Variants in SGIP1 observed in about 807,000 individuals in gnomAD.
The protein encoded by SGIP1 is SH3GL interacting endocytic adaptor 1.
A neutral mutation model predicts 107.5 loss-of-function variants in SGIP1; 38 were observed. The observed-to-expected ratio is 0.35, with a 90% CI of 0.27 to 0.46. The LOEUF is 0.46. Among genes scored for constraint, SGIP1 ranks in the 20% least tolerant of loss-of-function variants. The pLI is 1.00. For missense variants in SGIP1, 929 were observed against 1,019.5 expected, an observed-to-expected ratio of 0.91 and a Z score of 1.21; for synonymous variants, 365 against 366.1, an observed-to-expected ratio of 1.00 and a Z score of 0.03.
At chr1:66,563,806 T>A (rs2059287365) in intron 1 of SGIP1, among the ~76,000 whole-genome samples, 1 of 151,920 alleles carries the variant, frequency 6.6e-6, no homozygotes, top group Admixed American at 6.6e-5. Context: ...AGAGAAAGAA[T>A]ATCATTTGAA....
chr1:66,601,597 T>C lies in SGIP1; in HGVS notation c.11-24250T>C, dbSNP rs1355392791. Reference sequence around the variant, plus strand: ...TAACAATCTATAATGAGAAGAAAGCTAAATGATCTAGTCCAGTGTTTTCAA... The same window carrying C: ...TAACAATCTATAATGAGAAGAAAGCCAAATGATCTAGTCCAGTGTTTTCAA... On this transcript the variant is annotated intron_variant, in intron 1 of 24. Transcript: ENST00000371037. Among the ~76,000 whole-genome samples, 8 of 151,998 alleles carry C rather than the reference T, an allele frequency of 5.3e-5. No homozygotes were observed. The East Asian group carries it at 1.5e-3, about 29-fold the overall frequency.
intron 1 of SGIP1, among the ~76,000 whole-genome samples, chr1:66,571,077 C>G (rs1386342618): frequency 2.6e-5 from 4 of 151,958 alleles, no homozygotes; most frequent in Non-Finnish European, 5.9e-5. Context: ...CTCAGCACCA[C>G]CTGGGAAGTA....
chr1:66,546,038 A>G (rs761204981), intron 1 of SGIP1, among the ~76,000 whole-genome samples: 13 of 152,216 alleles, frequency 8.5e-5, no homozygotes, highest in Admixed American at 2.6e-4. Flanking sequence ...TTTTGGTGAA[A>G]GAGTCAAGCC....
In SGIP1 at chr1:66,675,499, TTCTG is replaced by T. The variant is rs150120901; in HGVS notation, c.647-1501_647-1498del. On this transcript the variant is annotated intron_variant, in intron 12 of 24. Transcript: ENST00000371037. ...TCTTTAGATTGATTTTTCTTTTTCT[TTCTG>T]TCTTTCTTTTTCGTTGTTTTTCTTT... Among the ~76,000 whole-genome samples, 1,373 of 151,706 alleles carry T rather than the reference TTCTG, an allele frequency of 9.1e-3. 18 individuals are homozygous for T. The highest frequency in any genetic ancestry group is 0.03 in the African/African-American group (1,219 of 41,222).
chr1:66,697,455 C>A (rs1380453644), intron 18 of SGIP1, among the ~76,000 whole-genome samples: 1 of 152,118 alleles, frequency 6.6e-6, no homozygotes, highest in Non-Finnish European at 1.5e-5. Context: ...ACTGTATTAT[C>A]TTAATCTTGG....
intron 1 of SGIP1, among the ~76,000 whole-genome samples, chr1:66,573,431 T>TATACCCAGTATA (rs2060649287): frequency 6.6e-6 from 1 of 152,150 alleles, no homozygotes; most frequent in Non-Finnish European, 1.5e-5. Flanking sequence ...GGAATATAAA[T>TATACCCAGTATA]TATTCTATCA....
intron 7 of SGIP1, among the ~76,000 whole-genome samples, chr1:66,649,553 G>A (rs188483806): frequency 3.9e-5 from 6 of 152,262 alleles, no homozygotes; most frequent in Middle Eastern, 3.4e-3. Context: ...GATGCAACAC[G>A]AACAGTTCTG....
At chr1:66,663,841 T>C (rs1334303387) in intron 8 of SGIP1, among the ~76,000 whole-genome samples, 1 of 152,202 alleles carries the variant, frequency 6.6e-6, no homozygotes, top group Non-Finnish European at 1.5e-5. Flanking sequence ...ACAACTCAAT[T>C]TGGGTGGATT....
At chr1:66,699,391 T>G (rs1346911562) in intron 18 of SGIP1, among the ~76,000 whole-genome samples, 2 of 152,184 alleles carry the variant, frequency 1.3e-5, no homozygotes, top group African/African-American at 4.8e-5. Context: ...TTAGAGGTGC[T>G]GGCAGCTTGC....
chr1:66,729,505 G>T (rs1285434010), intron 20 of SGIP1, 86 bp downstream of exon 20: 1 of 1,496,628 alleles, frequency 6.7e-7, no homozygotes, highest in African/African-American at 1.4e-5. Flanking sequence ...TAGCAACAGG[G>T]TCGCACTATA....
At chr1:66,646,170 C>T (rs2077625980) in intron 7 of SGIP1, among the ~76,000 whole-genome samples, 1 of 152,124 alleles carries the variant, frequency 6.6e-6, no homozygotes, top group Non-Finnish European at 1.5e-5. Flanking sequence ...ATGACATATG[C>T]AGCACTTCCT....
At position 66,750,039 on chromosome 1, in the gene SGIP1, GTGTGT is replaced by G. The variant is rs2094604808; in HGVS notation, c.*6945_*6949del. Among the ~76,000 whole-genome samples the G allele has an allele frequency of 4.9e-3, 390 of 79,154 alleles. 1 individual carries two copies. Among genetic ancestry groups the G allele is most frequent in the African/African-American group, 0.012 (222 of 17,768 alleles). 51.9% of individuals were successfully genotyped at this position (79,154 alleles called of 152,430 possible). A position where few individuals can be genotyped will look rare whatever the true frequency, so the allele number is the denominator to read the frequency against. On this transcript the variant is annotated 3_prime_UTR_variant, in exon 25 of 25. Transcript: ENST00000371037. ...TCTTTCTCTGTGTGTGTGTGGGGGT[GTGTGT>G]GTGTGTGTGTGTGTGTGTGTGTGTC...
chr1:66,614,809 CTTTTTTTTTTTTTT>C (rs10707091), intron 1 of SGIP1, among the ~76,000 whole-genome samples: 17 of 59,416 alleles, frequency 2.9e-4, no homozygotes, highest in African/African-American at 9.5e-4. Flanking sequence ...TTCCAGCTGT[CTTTTTTTTTTTTTT>C]TTTTTTTTTT....
intron 1 of SGIP1, among the ~76,000 whole-genome samples, chr1:66,535,697 T>C (rs2053445076): frequency 6.6e-6 from 1 of 152,232 alleles, no homozygotes. Flanking sequence ...GCTAGCCCTT[T>C]AAATCCAGGC....
In SGIP1 at chr1:66,682,250, C is replaced by T; in HGVS notation, c.1196C>T (p.Ser399Phe). Residue 399 changes from serine to phenylalanine, a missense_variant, in exon 15 of 25, where the codon TCT (serine) becomes TTT (phenylalanine). By Grantham distance (155) the Ser-to-Phe change is radical. Around this residue, in one of 2 missense-constraint regions of SGIP1, gnomAD observed 588 missense variants for 588.6 expected, o/e 1.00. Coordinates refer to ENST00000371037, the MANE Select transcript of SGIP1 (RefSeq NM_032291.4). ...IKDDYLETIS[S>F]PKDFGLGQRA... Reference sequence around the variant, plus strand: ...GATGATTACTTAGAAACAATCTCATCTCCTAAAGATTTTGGGTTGGGACAA... The same window carrying T: ...GATGATTACTTAGAAACAATCTCATTTCCTAAAGATTTTGGGTTGGGACAA... 6.2e-7 allele frequency: 1 copy of T among 1,614,244 alleles called. No homozygotes were observed. The highest frequency in any genetic ancestry group is 8.5e-7 in the Non-Finnish European group (1 of 1,180,046).
At chr1:66,552,086 G>A (rs1334103239) in intron 1 of SGIP1, among the ~76,000 whole-genome samples, 1 of 152,102 alleles carries the variant, frequency 6.6e-6, no homozygotes, top group African/African-American at 2.4e-5. Context: ...AGAGCAGGAT[G>A]GGACCACCGG....
intron 2 of SGIP1, among the ~76,000 whole-genome samples, chr1:66,627,102 G>A (rs889420519): frequency 2.6e-5 from 4 of 152,132 alleles, no homozygotes; most frequent in Non-Finnish European, 4.4e-5. Flanking sequence ...CTAATACTTA[G>A]TAAATGCTCA....
At chr1:66,616,035 T>C (rs890540322) in intron 1 of SGIP1, 25 of 152,340 alleles carry the variant, frequency 1.6e-4, no homozygotes, top group African/African-American at 4.6e-4. Context: ...AACTGATCAA[T>C]TGAAGTTTGT....
intron 18 of SGIP1, among the ~76,000 whole-genome samples, chr1:66,705,567 A>G (rs2092423328): frequency 6.6e-6 from 1 of 152,112 alleles, no homozygotes. Context: ...CACACAGCCC[A>G]TTTGCTATGA....
Sources: allele counts gnomAD v4.1 joint callset (sites outside exome capture counted in the v4.1 genomes callset), GRCh38; gene constraint gnomAD v4.1.1; regional missense constraint gnomAD v4.1.1; transcripts MANE v1.5; gene names NCBI Gene and HGNC (gene_info 2026-07-23, HGNC 2026-07-21).